Variants in RPTOR observed in about 807,000 individuals in gnomAD.
RPTOR encodes the protein regulatory associated protein of MTOR complex 1.
Under a neutral mutation model 169.9 loss-of-function variants are expected in RPTOR, and 21 were observed. That is an observed-to-expected ratio of 0.12 (90% CI 0.09 to 0.18). The LOEUF is 0.18. Ranked by LOEUF, RPTOR falls within the 10% of genes least tolerant of loss-of-function variation. RPTOR has a pLI of 1.00. For missense variants in RPTOR, 1,133 were observed against 1,855.9 expected, an observed-to-expected ratio of 0.61 and a Z score of 7.16; for synonymous variants, 732 against 753.2, an observed-to-expected ratio of 0.97 and a Z score of 0.46.
intron 5 of RPTOR, among the ~76,000 whole-genome samples, chr17:80,753,356 C>A (rs145631333): frequency 3.5e-5 from 5 of 144,022 alleles, no homozygotes; most frequent in Non-Finnish European, 7.7e-5. Flanking sequence ...ACGTTTAGGC[C>A]GGGCGCGGTG....
chr17:80,900,004 A>G (rs2068455114), intron 20 of RPTOR, among the ~76,000 whole-genome samples: 1 of 152,174 alleles, frequency 6.6e-6, no homozygotes, highest in South Asian at 2.1e-4. Context: ...GCTGGGGCAC[A>G]AAAGTACAGA....
At chr17:80,685,065 T>C (rs999335165) in intron 3 of RPTOR, among the ~76,000 whole-genome samples, 7 of 129,730 alleles carry the variant, frequency 5.4e-5, no homozygotes, top group Non-Finnish European at 8.0e-5. Flanking sequence ...TTTCTAGTTA[T>C]TGTCAAATTC....
rs898838190 is a variant in RPTOR, at chr17:80,583,901, A to G, written c.162+38110A>G. On this transcript the variant is annotated intron_variant, in intron 1 of 33. Transcript: ENST00000306801. Reference sequence around the variant, plus strand: ...GAAAGAGACCTTTGCCCAGGTGTCCATGTCACTGAGGCAGTGGCGGAGGGT... The same window carrying G: ...GAAAGAGACCTTTGCCCAGGTGTCCGTGTCACTGAGGCAGTGGCGGAGGGT... 7.2e-5 allele frequency among the ~76,000 whole-genome samples: 11 copies of G among 152,308 alleles called. 1 individual carries two copies. The highest frequency in any genetic ancestry group is 1.9e-4 in the East Asian group (1 of 5,166).
At chr17:80,781,632 A>G (rs1474161667) in intron 6 of RPTOR, among the ~76,000 whole-genome samples, 1 of 152,230 alleles carries the variant, frequency 6.6e-6, no homozygotes, top group Non-Finnish European at 1.5e-5. Context: ...CAAGACTTGG[A>G]GTAAAACCTC....
chr17:80,688,400 C>G (rs1039847633), intron 3 of RPTOR, among the ~76,000 whole-genome samples: 3 of 152,188 alleles, frequency 2.0e-5, no homozygotes, highest in South Asian at 2.1e-4. Flanking sequence ...TCAACCGTTT[C>G]TCTCTGGATC....
intron 13 of RPTOR, among the ~76,000 whole-genome samples, chr17:80,873,661 C>T (rs766372487): frequency 6.6e-6 from 1 of 152,150 alleles, no homozygotes; most frequent in Non-Finnish European, 1.5e-5. Flanking sequence ...TTCCCAAAGC[C>T]GCAAAACAAT....
chr17:80,832,119 G>T (rs551025616), intron 9 of RPTOR, among the ~76,000 whole-genome samples: 1 of 152,320 alleles, frequency 6.6e-6, no homozygotes, highest in East Asian at 1.9e-4. Context: ...GGTTAGTGTG[G>T]AAAAACTCCA....
intron 5 of RPTOR, among the ~76,000 whole-genome samples, chr17:80,742,574 A>G (rs1173360200): frequency 1.4e-5 from 2 of 142,042 alleles, no homozygotes; most frequent in African/African-American, 5.4e-5. Context: ...GTATGCACAC[A>G]CATAGACATA....
At chr17:80,702,059 T>G (rs945225714) in intron 3 of RPTOR, among the ~76,000 whole-genome samples, 1 of 152,110 alleles carries the variant, frequency 6.6e-6, no homozygotes. Context: ...GGAGCTCCAA[T>G]ACCAATAAAA....
chr17:80,785,373 G>A (rs1464014747), intron 6 of RPTOR, among the ~76,000 whole-genome samples: 1 of 152,210 alleles, frequency 6.6e-6, no homozygotes, highest in Admixed American at 6.5e-5. Context: ...AAGATTTACA[G>A]TCGAAGGCAT....
chr17:80,817,868 A>C (rs1036708185), intron 7 of RPTOR, among the ~76,000 whole-genome samples: 8 of 152,196 alleles, frequency 5.3e-5, no homozygotes, highest in Non-Finnish European at 7.3e-5. Flanking sequence ...GGCACTCTAC[A>C]GTGGTTGCAC....
chr17:80,684,965 A>T (rs1030207697), intron 3 of RPTOR, among the ~76,000 whole-genome samples: 1 of 152,202 alleles, frequency 6.6e-6, no homozygotes, highest in Non-Finnish European at 1.5e-5. Flanking sequence ...ACCGCATTGT[A>T]TAACCTTGTT....
chr17:80,591,432 G>A (rs915286897), intron 1 of RPTOR, among the ~76,000 whole-genome samples: 1 of 145,710 alleles, frequency 6.9e-6, no homozygotes, highest in Non-Finnish European at 1.5e-5. Flanking sequence ...AGGCTGTAGT[G>A]CAGTGGCGTG....
chr17:80,711,644 C>A (rs1400656973), intron 4 of RPTOR, among the ~76,000 whole-genome samples: 4 of 151,574 alleles, frequency 2.6e-5, no homozygotes, highest in African/African-American at 9.7e-5. Flanking sequence ...TTTTTAGTTC[C>A]TCTTGCCTTT....
intron 1 of RPTOR, among the ~76,000 whole-genome samples, chr17:80,549,354 A>G (rs944519490): frequency 6.6e-6 from 1 of 152,168 alleles, no homozygotes; most frequent in East Asian, 1.9e-4. Flanking sequence ...ACAGATACGT[A>G]TATATCTCCC....
intron 3 of RPTOR, among the ~76,000 whole-genome samples, chr17:80,678,472 A>C (rs117523774): frequency 0.01 from 1,570 of 152,262 alleles, 12 homozygotes; most frequent in Middle Eastern, 0.017. Flanking sequence ...TGTACAAATG[A>C]GTTTCTGGTC....
At chr17:80,888,524 G>A (rs2068276322) in intron 17 of RPTOR, among the ~76,000 whole-genome samples, 1 of 152,240 alleles carries the variant, frequency 6.6e-6, no homozygotes, top group Non-Finnish European at 1.5e-5. Flanking sequence ...CAGGGCAGGT[G>A]GGCAAGGGGT....
intron 1 of RPTOR, among the ~76,000 whole-genome samples, chr17:80,595,060 A>C (rs578227104): frequency 1.3e-5 from 2 of 152,134 alleles, no homozygotes. Flanking sequence ...AGAGGGAGAG[A>C]GAATGGGCAC....
At chr17:80,663,900 G>T (rs560386415) in intron 3 of RPTOR, among the ~76,000 whole-genome samples, 3 of 152,210 alleles carry the variant, frequency 2.0e-5, no homozygotes, top group African/African-American at 7.2e-5. Flanking sequence ...AGCATCCTCC[G>T]CTGGGTGTTT....
Sources: allele counts gnomAD v4.1 joint callset (sites outside exome capture counted in the v4.1 genomes callset), GRCh38; gene constraint gnomAD v4.1.1; transcripts MANE v1.5; gene names NCBI Gene and HGNC (gene_info 2026-07-23, HGNC 2026-07-21).